The following LTBP1 variants were observed in gnomAD, a reference collection of about 807,000 sequenced individuals.
LTBP1 encodes latent transforming growth factor beta binding protein 1.
A neutral mutation model predicts 207.6 loss-of-function variants in LTBP1; 129 were observed. The observed-to-expected ratio is 0.62, with a 90% CI of 0.54 to 0.72. The LOEUF (loss-of-function observed/expected upper bound fraction) is 0.72, where lower values mean the gene tolerates loss of function less well. LTBP1 is among the 30% of genes least tolerant of loss of function. The pLI, the probability that LTBP1 is intolerant of heterozygous loss-of-function variation, is 0.00. For synonymous variants in LTBP1, 963 were observed against 833.7 expected (o/e 1.16, Z -2.67); for missense variants, 2,281 against 2,217.2 (o/e 1.03, Z -0.58).
intron 5 of LTBP1, among the ~76,000 whole-genome samples, chr2:33,159,828 T>C (rs1218744930): frequency 1.3e-5 from 2 of 152,176 alleles, no homozygotes; most frequent in Non-Finnish European, 2.9e-5. Flanking sequence ...GACCAATGGG[T>C]ATATTATTTC....
intron 12 of LTBP1, 93 bp from the exon 13 acceptor site, chr2:33,259,495 G>A: frequency 2.3e-6 from 2 of 882,354 alleles, no homozygotes; most frequent in South Asian, 3.8e-5. Flanking sequence ...CTTTTGCAGA[G>A]ATAATGGACT....
At chr2:33,056,354 G>T in intron 3 of LTBP1, 1 of 1,248,854 alleles carries the variant, frequency 8.0e-7, no homozygotes, top group Non-Finnish European at 1.0e-6. Context: ...TGGCTTTGTG[G>T]CTTTCGGTTT....
intron 5 of LTBP1, among the ~76,000 whole-genome samples, chr2:33,138,848 CTTTTTTTTT>C (rs71409603): frequency 7.5e-4 from 58 of 77,660 alleles, no homozygotes; most frequent in Non-Finnish European, 1.1e-3. Flanking sequence ...AGTATGTTCT[CTTTTTTTTT>C]TTTTTTTTTT....
At chr2:33,111,542 G>A (rs1464202637) in intron 4 of LTBP1, among the ~76,000 whole-genome samples, 1 of 152,170 alleles carries the variant, frequency 6.6e-6, no homozygotes, top group Admixed American at 6.5e-5. Context: ...TTTCACCACT[G>A]GGAATAGTAT....
chr2:33,182,669 A>G (rs1481775732), intron 5 of LTBP1, among the ~76,000 whole-genome samples: 2 of 84,616 alleles, frequency 2.4e-5, no homozygotes. Context: ...CTCAAAAAAA[A>G]AAAGAAGAAA....
intron 8 of LTBP1, 83 bp from the exon 9 acceptor site, chr2:33,221,997 C>T (rs1306271511): frequency 3.3e-5 from 29 of 889,876 alleles, no homozygotes; most frequent in Non-Finnish European, 4.5e-5. Flanking sequence ...TTTGCTGATG[C>T]CTTAAATGGC....
chr2:33,174,577 C>T (rs1174778947), intron 5 of LTBP1, among the ~76,000 whole-genome samples: 1 of 152,024 alleles, frequency 6.6e-6, no homozygotes, highest in Non-Finnish European at 1.5e-5. Flanking sequence ...AATGGCCATA[C>T]TGCCCAAGGT....
chr2:33,100,650 T>C (rs2079675275), intron 3 of LTBP1, among the ~76,000 whole-genome samples: 1 of 152,154 alleles, frequency 6.6e-6, no homozygotes, highest in Non-Finnish European at 1.5e-5. Flanking sequence ...TCCAGAACTT[T>C]TCATCACCCC....
chr2:33,225,587 A>G (rs1297815113), intron 9 of LTBP1, among the ~76,000 whole-genome samples: 1 of 152,188 alleles, frequency 6.6e-6, no homozygotes, highest in Non-Finnish European at 1.5e-5. Context: ...ACAGCAAGGG[A>G]AAGACTTGTC....
At chr2:33,230,140 G>A (rs1397352756) in intron 9 of LTBP1, among the ~76,000 whole-genome samples, 2 of 152,182 alleles carry the variant, frequency 1.3e-5, no homozygotes, top group African/African-American at 2.4e-5. Flanking sequence ...AGCCCATTTA[G>A]CATCTAATTG....
chr2:33,176,383 G>A (rs1435209217), intron 5 of LTBP1, among the ~76,000 whole-genome samples: 5 of 151,976 alleles, frequency 3.3e-5, no homozygotes, highest in African/African-American at 7.2e-5. Context: ...CCGCCACCAC[G>A]CCCGGCTAAT....
At chr2:33,320,515 A>G (rs1187187593) in intron 24 of LTBP1, among the ~76,000 whole-genome samples, 1 of 152,138 alleles carries the variant, frequency 6.6e-6, no homozygotes, top group Admixed American at 6.5e-5. Flanking sequence ...CTGCTTCTGT[A>G]AGTGAAAGAA....
rs565349714 is a variant in LTBP1, at chr2:33,396,376, A to C, written c.4835-757A>C. ...GCTGGGATTACAGGTGTCCACCACC[A>C]CGCCCGGCTAATTTTCTGTATTTTT... On this transcript the variant is annotated intron_variant, in intron 32 of 33. Coordinates refer to ENST00000404816, the MANE Select transcript of LTBP1 (RefSeq NM_206943.4). 1.3e-3 allele frequency among the ~76,000 whole-genome samples: 193 copies of C among 152,144 alleles called. 1 individual carries two copies. The highest frequency in any genetic ancestry group is 4.4e-3 in the African/African-American group (182 of 41,514).
At chr2:33,366,203 A>T (rs975647989) in intron 31 of LTBP1, among the ~76,000 whole-genome samples, 2 of 152,126 alleles carry the variant, frequency 1.3e-5, no homozygotes, top group African/African-American at 4.8e-5. Flanking sequence ...TCCCTTTTTT[A>T]CCATCATAGC....
At chr2:32,951,897 A>G (rs1677165945) in intron 2 of LTBP1, among the ~76,000 whole-genome samples, 1 of 152,188 alleles carries the variant, frequency 6.6e-6, no homozygotes, top group South Asian at 2.1e-4. Flanking sequence ...GGTTTATTAC[A>G]CATAAGAATA....
chr2:33,266,568 A>G (rs549641799), intron 15 of LTBP1, among the ~76,000 whole-genome samples: 3 of 152,090 alleles, frequency 2.0e-5, no homozygotes, highest in Non-Finnish European at 4.4e-5. Flanking sequence ...TAGGCCCTCC[A>G]TGATCACCCA....
intron 3 of LTBP1, among the ~76,000 whole-genome samples, chr2:33,091,716 C>T (rs926383271): frequency 2.2e-4 from 33 of 152,134 alleles, no homozygotes; most frequent in African/African-American, 7.0e-4. Flanking sequence ...TCTGACTAAT[C>T]GCCCGAAGGA....
intron 3 of LTBP1, among the ~76,000 whole-genome samples, chr2:33,064,878 C>A (rs1271640864): frequency 6.6e-6 from 1 of 152,078 alleles, no homozygotes; most frequent in East Asian, 1.9e-4. Context: ...TTGTGTCTTT[C>A]CAGTATTTAT....
At chr2:33,287,799 C>A (rs939857331) in intron 19 of LTBP1, among the ~76,000 whole-genome samples, 18 of 152,220 alleles carry the variant, frequency 1.2e-4, no homozygotes, top group African/African-American at 3.6e-4. Context: ...ATTTTAACTT[C>A]ATCAGAATTG....
Sources: allele counts gnomAD v4.1 joint callset (sites outside exome capture counted in the v4.1 genomes callset), GRCh38; gene constraint gnomAD v4.1.1; transcripts MANE v1.5; gene names NCBI Gene and HGNC (gene_info 2026-07-23, HGNC 2026-07-21).